Variants in UROS observed in about 807,000 individuals in gnomAD.
UROS encodes the protein uroporphyrinogen-III synthase.
A neutral mutation model predicts 33.0 loss-of-function variants in UROS; 18 were observed. That is an observed-to-expected ratio of 0.55 (90% confidence interval 0.38 to 0.81). The LOEUF is 0.81. UROS is among the 30% of genes least tolerant of loss of function. The probability of loss-of-function intolerance (pLI) is 0.00; values close to 1 mark genes in which losing one functional copy is unlikely to be tolerated. For missense variants in UROS, 293 were observed against 314.9 expected, an observed-to-expected ratio of 0.93 and a Z score of 0.53; for synonymous variants, 114 against 121.1, an observed-to-expected ratio of 0.94 and a Z score of 0.38.
intron 5 of UROS, among the ~76,000 whole-genome samples, chr10:125,809,853 C>G (rs1852646705): frequency 6.6e-6 from 1 of 152,236 alleles, no homozygotes; most frequent in African/African-American, 2.4e-5. Flanking sequence ...GTGTGAGCCA[C>G]TGCACCCAGC....
Position 125,822,291 on chromosome 10 carries a change from AC to A in UROS, c.-27+737del, listed in dbSNP as rs1295411570. Among the ~76,000 whole-genome samples the A allele has an allele frequency of 3.4e-5, 5 of 148,736 alleles. No individual in the cohort carries two copies. The South Asian group carries it at 6.3e-4, about 19-fold the overall frequency. On this transcript the variant is annotated intron_variant, in intron 1 of 9. Coordinates refer to ENST00000368797, the MANE Select transcript of UROS (RefSeq NM_000375.3). ...CTCTCCAAATAGGCTCGGGTCTTTA[AC>A]CTAGACTACCCCACTGGCCCCGAAG...
chr10:125,815,232 G>C, intron 3 of UROS, 102 bp from the exon 4 acceptor site: 1 of 1,287,894 alleles, frequency 7.8e-7, no homozygotes. Flanking sequence ...AATAGTAGTA[G>C]GCAAACTAAT....
chr10:125,794,791 AC>A, intron 9 of UROS, 88 bp downstream of exon 9: 2 of 1,289,324 alleles, frequency 1.6e-6, no homozygotes, highest in South Asian at 2.6e-5. Context: ...GGGGTGTCTC[AC>A]TTGACATTGA....
chr10:125,822,425 C>T (rs375925855), intron 1 of UROS, among the ~76,000 whole-genome samples: 22 of 151,888 alleles, frequency 1.4e-4, no homozygotes, highest in South Asian at 4.2e-4. Flanking sequence ...TGGGGGCATG[C>T]GATTCTCCTG....
Position 125,815,105 on chromosome 10 carries a change from C to T in UROS, c.173G>A (p.Gly58Glu). The T allele has an allele frequency of 1.2e-6, 2 of 1,614,140 alleles. No homozygotes were observed. Among genetic ancestry groups the T allele is most frequent in the South Asian group, 1.1e-5 (1 of 91,080 alleles). Residue 58 changes from glycine (G) to glutamate (E), a missense_variant, in exon 4 of 10, where the codon GGA (glycine) becomes GAA (glutamate). Physicochemically the swap from Gly to Glu is moderately conservative, Grantham distance 98 (BLOSUM62 -2). Coordinates refer to ENST00000368797, the MANE Select transcript of UROS (RefSeq NM_000375.3). ...EKLSHPEDYGGLIFTSPRAVE... is the reference protein window; with the variant it reads ...EKLSHPEDYGELIFTSPRAVE... ...TGCTCTGGGGCTGGTAAAAATGAGT[C>T]CCCCGTAATCTTCAGGATGAGAAAG... is the stretch of plus-strand genomic sequence containing the variant.
At chr10:125,790,633 AC>A (rs994337674) in intron 9 of UROS, among the ~76,000 whole-genome samples, 2 of 150,454 alleles carry the variant, frequency 1.3e-5, no homozygotes, top group Admixed American at 1.3e-4. Flanking sequence ...ACATGGTGAA[AC>A]CCCCTCTGTA....
At chr10:125,787,273 G>T (rs1850658920), downstream of UROS, among the ~76,000 whole-genome samples, 1 of 152,206 alleles carries the variant, frequency 6.6e-6, no homozygotes, top group Admixed American at 6.5e-5. Context: ...GCAACAGGGT[G>T]TTTTTCCTCC....
intron 5 of UROS, 73 bp from the exon 6 acceptor site, chr10:125,807,560 C>T (rs777768244): frequency 3.4e-5 from 39 of 1,160,956 alleles, no homozygotes; most frequent in African/African-American, 4.5e-5. Context: ...TATTTTTTAA[C>T]GTGCAAATAC....
intron 6 of UROS, among the ~76,000 whole-genome samples, chr10:125,798,884 A>T (rs1459700023): frequency 6.6e-6 from 1 of 152,250 alleles, no homozygotes; most frequent in Non-Finnish European, 1.5e-5. Flanking sequence ...ATACTGTCCA[A>T]AAAAGCTGAT....
chr10:125,808,884 G>A (rs1441901395), intron 5 of UROS, among the ~76,000 whole-genome samples: 1 of 152,230 alleles, frequency 6.6e-6, no homozygotes, highest in Non-Finnish European at 1.5e-5. Context: ...CCTGCATGTG[G>A]CAAGACTGAC....
chr10:125,822,650 G>GT (rs1854069926), intron 1 of UROS, among the ~76,000 whole-genome samples: 2 of 151,880 alleles, frequency 1.3e-5, no homozygotes, highest in South Asian at 4.2e-4. Flanking sequence ...CAGAGATGAG[G>GT]TTTTGCCATG....
chr10:125,797,307 T>C (rs150794756), intron 7 of UROS, among the ~76,000 whole-genome samples: 108 of 152,338 alleles, frequency 7.1e-4, no homozygotes, highest in African/African-American at 2.4e-3. Flanking sequence ...GGTGTCATGC[T>C]ACATGATCTC....
chr10:125,812,171 C>T (rs1459615330), intron 5 of UROS, 43 bp downstream of exon 5: 2 of 1,579,914 alleles, frequency 1.3e-6, no homozygotes, highest in Admixed American at 3.3e-5. Context: ...ACTGAAAAGG[C>T]TAAGCCATTT....
At chr10:125,794,789 T>A (rs912887364) in intron 9 of UROS, 91 bp downstream of exon 9, 6 of 1,262,608 alleles carry the variant, frequency 4.8e-6, no homozygotes, top group Non-Finnish European at 6.7e-6. Context: ...CAGGGGTGTC[T>A]CACTTGACAT....
At chr10:125,798,601 C>T (rs1466546091) in intron 6 of UROS, among the ~76,000 whole-genome samples, 4 of 152,214 alleles carry the variant, frequency 2.6e-5, no homozygotes, top group African/African-American at 9.6e-5. Context: ...AGCCGGTAAC[C>T]GGCAGCCAGG....
chr10:125,808,155 A>G (rs1852496196), intron 5 of UROS, among the ~76,000 whole-genome samples: 1 of 152,202 alleles, frequency 6.6e-6, no homozygotes, highest in South Asian at 2.1e-4. Context: ...ACTTTTCCAG[A>G]CAGCAAACAC....
intron 6 of UROS, chr10:125,802,662 T>C (rs531991060): frequency 6.6e-6 from 8 of 1,219,076 alleles, no homozygotes; most frequent in Non-Finnish European, 8.2e-6. Context: ...CTGAACTGTA[T>C]GTTTTTAGCT....
Position 125,816,556 on chromosome 10 carries a change from T to C in UROS, c.-26-31A>G, listed in dbSNP as rs1853343650. On this transcript the variant is annotated intron_variant, in intron 1 of 9. Transcript: ENST00000368797. ...ACAGAGCAAGGAAACAGATCTTAAT[T>C]AGATCTCAAAGACTCTTCCTAAGCA... The C allele has an allele frequency of 1.9e-6, 3 of 1,598,440 alleles. No homozygotes were observed. The South Asian group carries it at 3.3e-5, about 18-fold the overall frequency.
At chr10:125,798,500 G>A (rs1433585483) in intron 6 of UROS, among the ~76,000 whole-genome samples, 1 of 152,236 alleles carries the variant, frequency 6.6e-6, no homozygotes, top group Non-Finnish European at 1.5e-5. Context: ...TCAGGAAGGT[G>A]AAGATCAGGC....
Sources: gnomAD v4.1 joint callset for allele counts (sites outside exome capture counted in the v4.1 genomes callset) on GRCh38, gnomAD v4.1.1 for gene constraint, MANE v1.5 for transcripts, NCBI Gene and HGNC (gene_info 2026-07-23, HGNC 2026-07-21) for gene names.